ANKUB1: variants seen among roughly 807,000 people sequenced by gnomAD.
ANKUB1 encodes the protein protein ANKUB1.
A neutral mutation model predicts 49.3 loss-of-function variants in ANKUB1; 42 were observed. The ratio of observed to expected loss-of-function variants is 0.85; its 90% CI spans 0.67 to 1.10. ANKUB1 has a LOEUF of 1.10. Among genes scored for constraint, ANKUB1 ranks in the 50% least tolerant of loss-of-function variants. ANKUB1 has a pLI of 0.00. For synonymous variants in ANKUB1, 222 were observed against 231.0 expected, an observed-to-expected ratio of 0.96 and a Z score of 0.35; for missense variants, 613 against 642.0, an observed-to-expected ratio of 0.95 and a Z score of 0.49.
chr3:149,781,643 C>A (rs561585697), intron 2 of ANKUB1, among the ~76,000 whole-genome samples: 4 of 152,142 alleles, frequency 2.6e-5, no homozygotes, highest in African/African-American at 9.6e-5. Context: ...TCCTCCAGGG[C>A]CCCCCCAGTC....
At chr3:149,775,176 T>C (rs149216479) in intron 3 of ANKUB1, among the ~76,000 whole-genome samples, 1,747 of 152,308 alleles carry the variant, frequency 0.011, 19 homozygotes, top group Non-Finnish European at 0.02. Context: ...CCTTGCCACA[T>C]GTGGCCCCTG....
intron 2 of ANKUB1, among the ~76,000 whole-genome samples, chr3:149,782,102 A>G (rs1430900393): frequency 6.6e-6 from 1 of 152,166 alleles, no homozygotes; most frequent in Non-Finnish European, 1.5e-5. Context: ...AGAGAGAAAA[A>G]TTATATTTTA....
rs529683448 is a variant in ANKUB1 at position 149,761,669 on chromosome 3, G to A, written c.1506-56C>T. 7.3e-6 allele frequency: 11 copies of A among 1,503,500 alleles called. No individual in the cohort carries two copies. The Admixed American group carries it at 2.3e-4, about 32-fold the overall frequency. The allele number at this position is 1,503,500 out of a possible 1,614,324, so 93.1% of individuals were successfully genotyped here. A position where few individuals can be genotyped will look rare whatever the true frequency, so the allele number is the denominator to read the frequency against. ...AGGTCTGATCTTGTCTGCATACATA[G>A]CTGAAAAAGGATGGAAATCTTCAGG... On this transcript the variant is annotated intron_variant, in intron 5 of 5. Transcript: ENST00000446160.
chr3:149,780,410 C>A lies in ANKUB1; in HGVS notation c.280G>T (p.Asp94Tyr). Residue 94 changes from aspartate (D) to tyrosine (Y), a missense_variant, in exon 3 of 6, where the codon GAC (aspartate) becomes TAC (tyrosine). Transcript: ENST00000446160. ...TLYVFNAVTQ[D>Y]TMPVMESISL... is the part of the protein sequence containing the mutation. ...ATGCTCTCCATTACTGGCATTGTGT[C>A]TTGAGTTACAGCATTGAACACGTAT... is the stretch of plus-strand genomic sequence containing the variant. The A allele has an allele frequency of 7.7e-6, 12 of 1,552,192 alleles. No homozygotes were observed. Among genetic ancestry groups the A allele is most frequent in the Non-Finnish European group, 1.0e-5 (12 of 1,147,066 alleles).
At chr3:149,789,652 T>TG (rs1376397859) in intron 2 of ANKUB1, among the ~76,000 whole-genome samples, 1 of 148,400 alleles carries the variant, frequency 6.7e-6, no homozygotes, top group African/African-American at 2.5e-5. Flanking sequence ...TTTTCCGAGA[T>TG]GGGGTCTCAC....
At chr3:149,787,474 G>C (rs1211716957) in intron 2 of ANKUB1, among the ~76,000 whole-genome samples, 1 of 152,160 alleles carries the variant, frequency 6.6e-6, no homozygotes, top group Admixed American at 6.5e-5. Context: ...TTTGGGCTGA[G>C]ACAATGGGGT....
intron 3 of ANKUB1, among the ~76,000 whole-genome samples, chr3:149,774,721 A>C (rs1463108642): frequency 6.6e-6 from 1 of 152,210 alleles, no homozygotes; most frequent in African/African-American, 2.4e-5. Context: ...CCTTGCAATG[A>C]AACAGTCCTG....
chr3:149,770,059 C>T (rs1056187970), intron 4 of ANKUB1, among the ~76,000 whole-genome samples: 3 of 152,176 alleles, frequency 2.0e-5, no homozygotes, highest in Admixed American at 1.3e-4. Context: ...TAATGATCCA[C>T]ATCCACTTAA....
At position 149,786,189 on chromosome 3, in the gene ANKUB1, A is replaced by G. The variant is rs145611236; in HGVS notation, c.234+4592T>C. ...TAGCTGGGACTACAGGCACCCGCCA[A>G]CGCGCCCGGCTAATTTTTTGTACTT... On this transcript the variant is annotated intron_variant, in intron 2 of 5. Coordinates refer to ENST00000446160, the MANE Select transcript of ANKUB1 (RefSeq NM_001144960.3). Among the ~76,000 whole-genome samples, 329 of 152,188 alleles carry G rather than the reference A, an allele frequency of 2.2e-3. 8 individuals carry two copies. The East Asian group carries it at 0.051, about 24-fold the overall frequency.
chr3:149,781,177 C>A (rs746206475), intron 2 of ANKUB1, among the ~76,000 whole-genome samples: 6 of 151,986 alleles, frequency 3.9e-5, no homozygotes, highest in South Asian at 4.1e-4. Context: ...AGAAAAGTTT[C>A]TTTTGTTTCT....
chr3:149,768,618 T>G (rs1052484515), intron 4 of ANKUB1, among the ~76,000 whole-genome samples: 1 of 152,102 alleles, frequency 6.6e-6, no homozygotes, highest in African/African-American at 2.4e-5. Context: ...CTTGGCTCAC[T>G]GCAACCTCCA....
intron 5 of ANKUB1, 46 bp downstream of exon 5, chr3:149,767,111 C>A: frequency 1.4e-6 from 2 of 1,443,262 alleles, no homozygotes; most frequent in Admixed American, 5.3e-5. Flanking sequence ...CCTGGACCTG[C>A]CTTATAAAAG....
intron 3 of ANKUB1, among the ~76,000 whole-genome samples, chr3:149,771,354 T>C (rs1387788438): frequency 6.6e-6 from 1 of 152,202 alleles, no homozygotes; most frequent in Non-Finnish European, 1.5e-5. Flanking sequence ...CTAGCTCACT[T>C]ACCTCTCTTC....
chr3:149,773,315 C>T (rs1717447211), intron 3 of ANKUB1, among the ~76,000 whole-genome samples: 1 of 152,104 alleles, frequency 6.6e-6, no homozygotes, highest in Non-Finnish European at 1.5e-5. Context: ...ATTTCTTGAC[C>T]TTGGACTTGC....
At chr3:149,762,507 T>A (rs370335438) in intron 5 of ANKUB1, among the ~76,000 whole-genome samples, 2 of 152,324 alleles carry the variant, frequency 1.3e-5, no homozygotes, top group East Asian at 1.9e-4. Context: ...CCCAGAAATA[T>A]CTCTTGTATT....
intron 3 of ANKUB1, among the ~76,000 whole-genome samples, chr3:149,775,839 T>C (rs988124272): frequency 3.9e-5 from 6 of 152,070 alleles, no homozygotes; most frequent in Non-Finnish European, 8.8e-5. Flanking sequence ...ATTTCAGAGC[T>C]AGAAGCAGGT....
Position 149,764,599 on chromosome 3 carries a change from C to T in ANKUB1, c.1505+2558G>A, listed in dbSNP as rs1010200639. ...CCCTCCCTCCCTCCCTCCCTTCCTTCCTCCCTCCCTCCCTCCTCTCCTCCC... is the reference window on the plus strand; with the variant it reads ...CCCTCCCTCCCTCCCTCCCTTCCTTTCTCCCTCCCTCCCTCCTCTCCTCCC... On this transcript the variant is annotated intron_variant, in intron 5 of 5. Coordinates refer to ENST00000446160, the MANE Select transcript of ANKUB1 (RefSeq NM_001144960.3). Among the ~76,000 whole-genome samples, 162 of 127,764 alleles carry T rather than the reference C, an allele frequency of 1.3e-3. 2 individuals carry two copies. Among genetic ancestry groups the T allele is most frequent in the Middle Eastern group, 7.8e-3 (2 of 258 alleles). The allele number at this position is 127,764 out of a possible 152,430, so 83.8% of individuals were successfully genotyped here.
intron 4 of ANKUB1, among the ~76,000 whole-genome samples, chr3:149,768,336 TA>T (rs1717163678): frequency 6.6e-6 from 1 of 152,226 alleles, no homozygotes; most frequent in Non-Finnish European, 1.5e-5. Flanking sequence ...ATCTTTCTTA[TA>T]AAAATTAAAT....
chr3:149,780,928 T>C (rs1314867585), intron 2 of ANKUB1, among the ~76,000 whole-genome samples: 2 of 152,132 alleles, frequency 1.3e-5, no homozygotes, highest in African/African-American at 4.8e-5. Flanking sequence ...GTGCTTTTCA[T>C]TGTCCGTATG....
Sources: allele counts gnomAD v4.1 joint callset (sites outside exome capture counted in the v4.1 genomes callset), GRCh38; gene constraint gnomAD v4.1.1; transcripts MANE v1.5; gene names NCBI Gene and HGNC (gene_info 2026-07-23, HGNC 2026-07-21).